Variants in PLCE1 observed in about 807,000 individuals in gnomAD.
PLCE1 encodes the protein 1-phosphatidylinositol 4,5-bisphosphate phosphodiesterase epsilon-1.
Under a neutral mutation model 242.8 loss-of-function variants are expected in PLCE1, and 119 were observed. The ratio of observed to expected loss-of-function variants is 0.49; its 90% CI spans 0.42 to 0.57. The LOEUF (loss-of-function observed/expected upper bound fraction) is 0.57, where lower values mean the gene tolerates loss of function less well. PLCE1 is among the 20% of genes least tolerant of loss of function. PLCE1 has a pLI of 0.00. For synonymous variants in PLCE1, 945 were observed against 1,017.4 expected, an observed-to-expected ratio of 0.93 and a Z score of 1.35; for missense variants, 2,441 against 2,788.8, an observed-to-expected ratio of 0.88 and a Z score of 2.81.
chr10:94,217,964 C>G (rs981883804), intron 4 of PLCE1, among the ~76,000 whole-genome samples: 3 of 150,708 alleles, frequency 2.0e-5, no homozygotes, highest in African/African-American at 7.3e-5. Context: ...GTTTTGCTTA[C>G]ATTTTATTTT....
At chr10:94,301,621 CA>C (rs2053042142) in intron 24 of PLCE1, among the ~76,000 whole-genome samples, 1 of 152,132 alleles carries the variant, frequency 6.6e-6, no homozygotes, top group Non-Finnish European at 1.5e-5. Flanking sequence ...CATCCCTTCC[CA>C]AGCTTTCTGC....
At chr10:94,100,262 C>T (rs1442504614) in intron 2 of PLCE1, 1 of 152,160 alleles carries the variant, frequency 6.6e-6, no homozygotes, top group Non-Finnish European at 1.5e-5. Flanking sequence ...TCCTTCCATT[C>T]TCACCTCTAT....
intron 4 of PLCE1, among the ~76,000 whole-genome samples, chr10:94,219,093 C>G (rs1029671489): frequency 6.6e-6 from 1 of 151,006 alleles, no homozygotes; most frequent in East Asian, 1.9e-4. Flanking sequence ...GTTATTTTCC[C>G]CCATGAGATG....
chr10:94,156,920 C>T (rs1312666760), intron 3 of PLCE1, among the ~76,000 whole-genome samples: 1 of 152,012 alleles, frequency 6.6e-6, no homozygotes, highest in Non-Finnish European at 1.5e-5. Flanking sequence ...GAGCAGAGAC[C>T]AAATATATAT....
At chr10:94,214,278 C>T (rs1325311341) in intron 4 of PLCE1, among the ~76,000 whole-genome samples, 3 of 152,192 alleles carry the variant, frequency 2.0e-5, no homozygotes, top group Admixed American at 6.5e-5. Flanking sequence ...AAGGCACGAT[C>T]ATTTACCCTA....
At chr10:94,042,576 G>T (rs2061789863) in intron 2 of PLCE1, among the ~76,000 whole-genome samples, 2 of 152,180 alleles carry the variant, frequency 1.3e-5, no homozygotes, top group African/African-American at 4.8e-5. Flanking sequence ...CAAATGTTGA[G>T]CTGGATGAGT....
chr10:94,218,633 C>G (rs2049609862), intron 4 of PLCE1, among the ~76,000 whole-genome samples: 1 of 152,024 alleles, frequency 6.6e-6, no homozygotes, highest in African/African-American at 2.4e-5. Flanking sequence ...TAGCTTCTTA[C>G]TTTTCTTATA....
chr10:94,129,247 A>G (rs890810504), intron 2 of PLCE1, among the ~76,000 whole-genome samples: 1 of 152,258 alleles, frequency 6.6e-6, no homozygotes, highest in African/African-American at 2.4e-5. Context: ...AGAAATGGGA[A>G]TAAGAAAAGG....
At chr10:94,294,031 C>T (rs983682927) in intron 23 of PLCE1, among the ~76,000 whole-genome samples, 5 of 152,044 alleles carry the variant, frequency 3.3e-5, no homozygotes, top group Admixed American at 1.3e-4. Flanking sequence ...CGCTTAAGCC[C>T]GGAAGGCAGA....
At chr10:93,998,895 C>T (rs1448300410) in intron 1 of PLCE1, among the ~76,000 whole-genome samples, 5 of 152,016 alleles carry the variant, frequency 3.3e-5, no homozygotes, top group Non-Finnish European at 7.4e-5. Context: ...AGTCTAATCT[C>T]GAGTGTTCTT....
chr10:94,236,469 G>A (rs1465935049), intron 7 of PLCE1, among the ~76,000 whole-genome samples: 1 of 151,912 alleles, frequency 6.6e-6, no homozygotes, highest in African/African-American at 2.4e-5. Flanking sequence ...TTTTGTAACA[G>A]TGGTTTTTTT....
intron 2 of PLCE1, among the ~76,000 whole-genome samples, chr10:94,119,750 C>T (rs1478743524): frequency 1.3e-5 from 2 of 152,140 alleles, no homozygotes; most frequent in Non-Finnish European, 2.9e-5. Context: ...TCTTGCTTAC[C>T]TTCCCTGATG....
At chr10:94,301,425 T>A (rs1161014548) in intron 24 of PLCE1, among the ~76,000 whole-genome samples, 1 of 152,122 alleles carries the variant, frequency 6.6e-6, no homozygotes, top group Non-Finnish European at 1.5e-5. Context: ...GAAGCACCAT[T>A]TTTCAATTGT....
chr10:94,301,758 T>C (rs2053046523), intron 24 of PLCE1, among the ~76,000 whole-genome samples: 1 of 152,216 alleles, frequency 6.6e-6, no homozygotes, highest in Admixed American at 6.5e-5. Flanking sequence ...CCCCTGGTTA[T>C]TGCTGGCAAC....
intron 1 of PLCE1, among the ~76,000 whole-genome samples, chr10:94,029,164 C>A (rs574169054): frequency 1.2e-4 from 19 of 152,172 alleles, no homozygotes; most frequent in African/African-American, 4.3e-4. Context: ...TAGAACAGGA[C>A]CTAAGCATCA....
At chr10:94,112,604 G>C (rs2045989011) in intron 2 of PLCE1, among the ~76,000 whole-genome samples, 1 of 152,130 alleles carries the variant, frequency 6.6e-6, no homozygotes, top group African/African-American at 2.4e-5. Flanking sequence ...AATCACTGGG[G>C]AAACTTTAAA....
At chr10:94,266,504 A>C (rs1332949284) in intron 16 of PLCE1, among the ~76,000 whole-genome samples, 1 of 152,216 alleles carries the variant, frequency 6.6e-6, no homozygotes. Flanking sequence ...ATGTTCTTTG[A>C]AACTCAGTAG....
chr10:94,217,771 A>G (rs1354764739), intron 4 of PLCE1, among the ~76,000 whole-genome samples: 1 of 152,188 alleles, frequency 6.6e-6, no homozygotes, highest in Non-Finnish European at 1.5e-5. Context: ...TTTATAGTTG[A>G]AGAATTTGAG....
chr10:93,996,421 A>G (rs1347882939), intron 1 of PLCE1, among the ~76,000 whole-genome samples: 3 of 152,340 alleles, frequency 2.0e-5, no homozygotes, highest in East Asian at 1.9e-4. Context: ...TGATTAGGAA[A>G]CATGGTGCTT....
Sources: allele counts gnomAD v4.1 joint callset (sites outside exome capture counted in the v4.1 genomes callset), GRCh38; gene constraint gnomAD v4.1.1; transcripts MANE v1.5; gene names NCBI Gene and HGNC (gene_info 2026-07-23, HGNC 2026-07-21).